The following PLEKHA6 variants were observed in gnomAD, a reference collection of about 807,000 sequenced individuals.
PLEKHA6 encodes pleckstrin homology domain containing A6, also known as pleckstrin homology domain-containing family A member 6.
PLEKHA6 carries 60 observed loss-of-function variants against 116.7 expected under a neutral mutation model. The ratio of observed to expected loss-of-function variants is 0.51; its 90% CI spans 0.42 to 0.64. The LOEUF is 0.64. Among genes scored for constraint, PLEKHA6 ranks in the 30% least tolerant of loss-of-function variants. The pLI is 0.00. For missense variants in PLEKHA6, 1,338 were observed against 1,422.7 expected (o/e 0.94, Z 0.96); for synonymous variants, 489 against 556.1 (o/e 0.88, Z 1.70).
At chr1:204,303,127 G>C (rs752759972) in intron 1 of PLEKHA6, among the ~76,000 whole-genome samples, 7 of 152,234 alleles carry the variant, frequency 4.6e-5, no homozygotes, top group African/African-American at 1.4e-4. Context: ...CGTTCTTAAG[G>C]GCTATGCTGC....
intron 1 of PLEKHA6, among the ~76,000 whole-genome samples, chr1:204,352,857 T>C (rs1279185168): frequency 6.6e-6 from 1 of 151,914 alleles, no homozygotes; most frequent in African/African-American, 2.4e-5. Flanking sequence ...TGGTGGTGCA[T>C]GCCTGTGGTC....
intron 17 of PLEKHA6, among the ~76,000 whole-genome samples, chr1:204,233,798 G>A (rs544374390): frequency 2.1e-4 from 32 of 152,234 alleles, no homozygotes; most frequent in African/African-American, 7.7e-4. Context: ...CCCCAAAATG[G>A]ATCATACCTA....
rs1295263064 is a variant in PLEKHA6 at position 204,228,470 on chromosome 1, G to T, written c.2886-242C>A. Among the ~76,000 whole-genome samples the T allele has an allele frequency of 6.6e-6, 1 of 152,124 alleles. No individual in the cohort carries two copies. The highest frequency in any genetic ancestry group is 1.5e-5 in the Non-Finnish European group (1 of 68,016). On this transcript the variant is annotated intron_variant, in intron 20 of 22. Coordinates refer to ENST00000272203, the MANE Select transcript of PLEKHA6 (RefSeq NM_014935.5). The surrounding 1 kb of genome is among the most constrained non-coding windows in gnomAD (Gnocchi z 4.0). The stretch of plus-strand genomic sequence containing the variant: ...AGTGAGCATTTAGGGCAGCCTTGAA[G>T]GGGAAAAGAAGTCACCAGAGGGCGA...
chr1:204,356,152 A>G (rs1487657856), intron 1 of PLEKHA6, among the ~76,000 whole-genome samples: 4 of 152,372 alleles, frequency 2.6e-5, no homozygotes, highest in African/African-American at 9.6e-5. Flanking sequence ...AGATTCAGAT[A>G]TTTATATGTT....
intron 13 of PLEKHA6, 147 bp from the exon 14 acceptor site, chr1:204,245,873 C>T (rs1571853634): frequency 2.3e-6 from 1 of 429,822 alleles, no homozygotes; most frequent in South Asian, 3.1e-5. Flanking sequence ...CACACACACA[C>T]ACACATGCCC....
upstream of PLEKHA6, among the ~76,000 whole-genome samples, chr1:204,363,883 G>A (rs1673605461): frequency 6.6e-6 from 1 of 152,072 alleles, no homozygotes; most frequent in Non-Finnish European, 1.5e-5. Context: ...GGCTTGCAGT[G>A]CGTTTCTCCC....
At chr1:204,224,787 CACAA>C (rs367960644) in intron 21 of PLEKHA6, among the ~76,000 whole-genome samples, 43 of 152,360 alleles carry the variant, frequency 2.8e-4, no homozygotes, top group Admixed American at 5.9e-4. Context: ...CAAATACACT[CACAA>C]ACACTTTCAA....
chr1:204,324,197 ATCTGACTTTGATTGC>A (rs1209797134), intron 1 of PLEKHA6, among the ~76,000 whole-genome samples: 1 of 152,140 alleles, frequency 6.6e-6, no homozygotes, highest in Admixed American at 6.5e-5. Flanking sequence ...ACATCCCAGA[ATCTGACTTTGATTGC>A]TCTGACTTTG....
intron 12 of PLEKHA6, among the ~76,000 whole-genome samples, chr1:204,248,004 G>A (rs1663990155): frequency 6.6e-6 from 1 of 151,942 alleles, no homozygotes; most frequent in Admixed American, 6.5e-5. Flanking sequence ...CCTGAAGGAG[G>A]ATATTTATTA....
At chr1:204,295,811 G>C (rs941492958) in intron 1 of PLEKHA6, among the ~76,000 whole-genome samples, 1 of 152,162 alleles carries the variant, frequency 6.6e-6, no homozygotes, top group African/African-American at 2.4e-5. Context: ...GGCCACAGCA[G>C]GCCAAGCCAA....
At chr1:204,230,742 T>A (rs1484290618) in intron 17 of PLEKHA6, among the ~76,000 whole-genome samples, 156 bp from the exon 18 acceptor site, 2 of 152,190 alleles carry the variant, frequency 1.3e-5, no homozygotes, top group African/African-American at 4.8e-5. Context: ...ACCCCAGGTA[T>A]CTGAGAGTGT....
chr1:204,355,851 T>C (rs1481962328), intron 1 of PLEKHA6, among the ~76,000 whole-genome samples: 1 of 152,222 alleles, frequency 6.6e-6, no homozygotes, highest in Non-Finnish European at 1.5e-5. Flanking sequence ...GTTATTAATA[T>C]GGACAATGTC....
At chr1:204,279,042 C>T (rs1317880986) in intron 1 of PLEKHA6, among the ~76,000 whole-genome samples, 4 of 152,140 alleles carry the variant, frequency 2.6e-5, no homozygotes, top group Non-Finnish European at 5.9e-5. Flanking sequence ...CCTAGCTCCC[C>T]CTTGAATACA....
chr1:204,265,083 G>C (rs1239475097), intron 5 of PLEKHA6, 41 bp from the exon 6 acceptor site: 1 of 1,333,942 alleles, frequency 7.5e-7, no homozygotes, highest in Non-Finnish European at 1.1e-6. Flanking sequence ...GTGTGTGTGT[G>C]TGCAAGCGTG....
rs757765400 is a variant in PLEKHA6 at position 204,248,942 on chromosome 1, G to A, written c.1703C>T (p.Thr568Ile). The change falls in exon 12 of 23, where the codon ACC (threonine) becomes ATC (isoleucine). Residue 568 changes from threonine (T) to isoleucine (I), a missense_variant. Thr to Ile is a moderately conservative substitution (Grantham distance 89). This residue lies in a region of PLEKHA6 where 1,136 missense variants were observed against 1,163.6 expected (regional missense o/e 0.98). Coordinates refer to ENST00000272203, the MANE Select transcript of PLEKHA6 (RefSeq NM_014935.5). ...TCCAAACATCTCCAGCTCCTGGTGG[G>A]TCCCCATCAAGGCACTTTCCAGGCT... is the stretch of plus-strand genomic sequence containing the variant. Reference protein sequence around the residue: ...KESLESALMGTHQELEMFGSQ... With the variant: ...KESLESALMGIHQELEMFGSQ... The A allele has an allele frequency of 6.2e-7, 1 of 1,614,116 alleles. No individual in the cohort carries two copies. The highest frequency in any genetic ancestry group is 1.3e-5 in the African/African-American group (1 of 75,042).
At chr1:204,276,219 T>C (rs4951347) in intron 1 of PLEKHA6, among the ~76,000 whole-genome samples, 56,116 of 151,978 alleles carry the variant, frequency 0.37, 10,584 homozygotes, top group East Asian at 0.54. Context: ...CTACAGTCTA[T>C]GTGGAAATCT....
At position 204,228,784 on chromosome 1, in the gene PLEKHA6, C is replaced by T; in HGVS notation, c.2829G>A (p.Glu943=). 1 of 1,613,976 alleles carries T rather than the reference C, an allele frequency of 6.2e-7. No individual in the cohort carries two copies. The change falls in exon 20 of 23, where the codon GAG becomes GAA. Residue 943 remains glutamate (E), a synonymous_variant. Transcript: ENST00000272203. The surrounding 1 kb of genome is among the most constrained non-coding windows in gnomAD (Gnocchi z 4.0). ...CCACCTTCTTCTGCTTCTCCTTCAA[C>T]TCCTCAGGGCTCAGGGGAGTGTCAG... is the stretch of plus-strand genomic sequence containing the variant. ...LEPDTPLSPE[E]LKEKQKKVER...
chr1:204,328,176 G>A (rs1309015777), intron 1 of PLEKHA6, among the ~76,000 whole-genome samples: 1 of 151,724 alleles, frequency 6.6e-6, no homozygotes, highest in East Asian at 1.9e-4. Context: ...TCTGCCTCCT[G>A]GGTTCAAGGG....
At chr1:204,252,025 A>C (rs1419614295) in intron 9 of PLEKHA6, among the ~76,000 whole-genome samples, 1 of 151,928 alleles carries the variant, frequency 6.6e-6, no homozygotes, top group Non-Finnish European at 1.5e-5. Flanking sequence ...AAACAACCAA[A>C]AAAGAAAATC....
Sources: gnomAD v4.1 joint callset for allele counts (sites outside exome capture counted in the v4.1 genomes callset) on GRCh38, gnomAD v4.1.1 for gene constraint, gnomAD v4.1.1 regional missense constraint, Gnocchi (gnomAD v3.1) non-coding constraint, MANE v1.5 for transcripts, NCBI Gene and HGNC (gene_info 2026-07-23, HGNC 2026-07-21) for gene names.